FAM184A: variants seen among roughly 807,000 people sequenced by gnomAD.
FAM184A encodes family with sequence similarity 184 member A.
FAM184A carries 99 observed loss-of-function variants against 143.8 expected under a neutral mutation model. The ratio of observed to expected loss-of-function variants is 0.69; its 90% CI spans 0.58 to 0.81. FAM184A has a LOEUF of 0.81. Ranked by LOEUF, FAM184A falls within the 40% of genes least tolerant of loss-of-function variation. The probability of loss-of-function intolerance (pLI) is 0.00; values close to 1 mark genes in which losing one functional copy is unlikely to be tolerated. For synonymous variants in FAM184A, 427 were observed against 446.4 expected, an observed-to-expected ratio of 0.96 and a Z score of 0.55; for missense variants, 1,217 against 1,310.5, an observed-to-expected ratio of 0.93 and a Z score of 1.10.
chr6:119,106,746 G>A (rs2114842222), intron 1 of FAM184A, among the ~76,000 whole-genome samples: 1 of 152,324 alleles, frequency 6.6e-6, no homozygotes, highest in East Asian at 1.9e-4. Flanking sequence ...ATTATCTTAT[G>A]TGGCACAAAG....
At chr6:119,120,059 A>G (rs1789169883) in intron 1 of FAM184A, among the ~76,000 whole-genome samples, 1 of 152,204 alleles carries the variant, frequency 6.6e-6, no homozygotes. Flanking sequence ...TATACAGTTC[A>G]CAGTCAGTTG....
At chr6:119,108,932 C>G (rs779098636) in intron 1 of FAM184A, among the ~76,000 whole-genome samples, 3 of 152,194 alleles carry the variant, frequency 2.0e-5, no homozygotes, top group Non-Finnish European at 4.4e-5. Context: ...CTCAATACTA[C>G]AAACCTAAAT....
intron 1 of FAM184A, among the ~76,000 whole-genome samples, chr6:119,107,537 G>A (rs1017611845): frequency 2.0e-5 from 3 of 152,088 alleles, no homozygotes; most frequent in Non-Finnish European, 2.9e-5. Flanking sequence ...CAAGGTGGGC[G>A]GATCACCTGA....
chr6:119,107,581 G>A (rs1266740182), intron 1 of FAM184A, among the ~76,000 whole-genome samples: 1 of 152,112 alleles, frequency 6.6e-6, no homozygotes, highest in African/African-American at 2.4e-5. Flanking sequence ...GGCCAATGTA[G>A]TGAAAATAAT....
rs72970455 is a variant in FAM184A, at chr6:118,971,196, C to A, written c.2915+3232G>T. On this transcript the variant is annotated intron_variant, in intron 14 of 17. Transcript: ENST00000338891. ...GATTTGTGACAAGACTACTTCCGTA[C>A]CTCACAAAGCTTACAACCATACCTG... Among the ~76,000 whole-genome samples the A allele has an allele frequency of 3.3e-3, 504 of 152,274 alleles. 1 individual carries two copies. Among genetic ancestry groups the A allele is most frequent in the Non-Finnish European group, 3.1e-3 (213 of 68,022 alleles).
At chr6:119,025,539 T>C (rs756486564) in intron 1 of FAM184A, 18 of 518,674 alleles carry the variant, frequency 3.5e-5, no homozygotes, top group Non-Finnish European at 3.8e-6. Context: ...CAGGTCTTTA[T>C]TTTCATTTTA....
intron 1 of FAM184A, among the ~76,000 whole-genome samples, chr6:119,045,528 C>G (rs1375921556): frequency 6.6e-6 from 1 of 152,084 alleles, no homozygotes; most frequent in Non-Finnish European, 1.5e-5. Context: ...AACCTTGGAG[C>G]AGTGACTTAA....
At chr6:119,140,751 A>C (rs1420304445) in intron 1 of FAM184A, among the ~76,000 whole-genome samples, 1 of 152,188 alleles carries the variant, frequency 6.6e-6, no homozygotes, top group Non-Finnish European at 1.5e-5. Flanking sequence ...AACCGGTGAA[A>C]GGGAGGCGAG....
intron 7 of FAM184A, among the ~76,000 whole-genome samples, chr6:119,004,560 C>T (rs1241706133): frequency 2.0e-5 from 3 of 152,138 alleles, no homozygotes; most frequent in Non-Finnish European, 4.4e-5. Context: ...CAACATTAAA[C>T]GGAGTAGACT....
chr6:119,073,578 G>A (rs901992098), intron 1 of FAM184A, among the ~76,000 whole-genome samples: 6 of 152,212 alleles, frequency 3.9e-5, no homozygotes, highest in Admixed American at 3.9e-4. Context: ...AGATTACAGA[G>A]TAGGTTTCAG....
At chr6:119,085,880 G>T (rs946512505) in intron 1 of FAM184A, among the ~76,000 whole-genome samples, 1 of 152,132 alleles carries the variant, frequency 6.6e-6, no homozygotes, top group Non-Finnish European at 1.5e-5. Flanking sequence ...AAGAGAGAGT[G>T]GGGGGAGGTG....
At chr6:119,034,090 T>C (rs944137503) in intron 1 of FAM184A, among the ~76,000 whole-genome samples, 2 of 95,544 alleles carry the variant, frequency 2.1e-5, no homozygotes, top group Non-Finnish European at 4.0e-5. Flanking sequence ...ATCCAAGAAA[T>C]AGTCCCAAGT....
intron 9 of FAM184A, among the ~76,000 whole-genome samples, chr6:118,991,834 C>T (rs1784389719): frequency 7.3e-6 from 1 of 137,676 alleles, no homozygotes; most frequent in African/African-American, 2.8e-5. Flanking sequence ...ATGATCTCGG[C>T]TCTCTGCAAG....
chr6:119,127,486 T>C (rs894424194), intron 1 of FAM184A, among the ~76,000 whole-genome samples: 1 of 152,152 alleles, frequency 6.6e-6, no homozygotes, highest in Non-Finnish European at 1.5e-5. Flanking sequence ...TGAGAGGACA[T>C]ATCCTGGGTA....
At chr6:119,136,838 C>T (rs891030262) in intron 1 of FAM184A, among the ~76,000 whole-genome samples, 2 of 152,180 alleles carry the variant, frequency 1.3e-5, no homozygotes, top group African/African-American at 4.8e-5. Flanking sequence ...TTGACAGTTC[C>T]ACCAAGACGG....
intron 1 of FAM184A, among the ~76,000 whole-genome samples, chr6:119,059,062 T>C (rs547626851): frequency 1.3e-5 from 2 of 152,294 alleles, no homozygotes; most frequent in African/African-American, 4.8e-5. Flanking sequence ...ACTGGCACAA[T>C]CTCAGCTCAC....
chr6:119,113,203 A>T (rs1361285480), intron 1 of FAM184A, among the ~76,000 whole-genome samples: 3 of 135,194 alleles, frequency 2.2e-5, no homozygotes, highest in Non-Finnish European at 1.5e-5. Flanking sequence ...TCAACCCTTT[A>T]AAAAAAAATG....
At chr6:118,970,070 C>T (rs1214809775) in intron 14 of FAM184A, among the ~76,000 whole-genome samples, 3 of 132,590 alleles carry the variant, frequency 2.3e-5, no homozygotes, top group Admixed American at 8.2e-5. Flanking sequence ...ATGGCACAAT[C>T]TCAGTTACCT....
intron 1 of FAM184A, among the ~76,000 whole-genome samples, chr6:119,116,243 C>T (rs1789059751): frequency 1.3e-5 from 2 of 152,066 alleles, no homozygotes; most frequent in South Asian, 4.1e-4. Flanking sequence ...CCTAAGTGAT[C>T]TAACACAAAG....
Sources: gnomAD v4.1 joint callset for allele counts (sites outside exome capture counted in the v4.1 genomes callset) on GRCh38, gnomAD v4.1.1 for gene constraint, MANE v1.5 for transcripts, NCBI Gene and HGNC (gene_info 2026-07-23, HGNC 2026-07-21) for gene names.